ATP2B2: variants seen among roughly 807,000 people sequenced by gnomAD.
ATP2B2 encodes the protein ATPase plasma membrane Ca2+ transporting 2.
Under a neutral mutation model 120.0 loss-of-function variants are expected in ATP2B2, and 15 were observed. That is an observed-to-expected ratio of 0.12 (90% confidence interval 0.08 to 0.19). The LOEUF (loss-of-function observed/expected upper bound fraction) is 0.19, where lower values mean the gene tolerates loss of function less well. ATP2B2 is among the 10% of genes least tolerant of loss of function. ATP2B2 has a pLI of 1.00. For synonymous variants in ATP2B2, 694 were observed against 700.3 expected, an observed-to-expected ratio of 0.99 and a Z score of 0.14; for missense variants, 1,045 against 1,719.8, an observed-to-expected ratio of 0.61 and a Z score of 6.94.
chr3:10,623,900 C>T (rs536024286), intron 1 of ATP2B2, among the ~76,000 whole-genome samples: 1 of 152,318 alleles, frequency 6.6e-6, no homozygotes, highest in African/African-American at 2.4e-5. Flanking sequence ...GGTTCTAATT[C>T]CAACTCCACC....
chr3:10,685,412 T>C (rs2071494650), intron 1 of ATP2B2, among the ~76,000 whole-genome samples: 1 of 152,212 alleles, frequency 6.6e-6, no homozygotes, highest in Non-Finnish European at 1.5e-5. Flanking sequence ...CAAGTACTGC[T>C]GGGTGTTCCG....
intron 2 of ATP2B2, among the ~76,000 whole-genome samples, chr3:10,428,417 G>T (rs1385751959): frequency 6.6e-6 from 1 of 152,082 alleles, no homozygotes. Flanking sequence ...CTCCTGCCTT[G>T]TATTTCATCC....
intron 2 of ATP2B2, among the ~76,000 whole-genome samples, chr3:10,590,622 G>A (rs1452993297): frequency 1.3e-5 from 2 of 152,168 alleles, no homozygotes; most frequent in Non-Finnish European, 2.9e-5. Context: ...TTCACTCTGC[G>A]TCGTTCTTAG....
At chr3:10,624,765 A>T (rs1470794110) in intron 1 of ATP2B2, among the ~76,000 whole-genome samples, 1 of 152,236 alleles carries the variant, frequency 6.6e-6, no homozygotes, top group Non-Finnish European at 1.5e-5. Flanking sequence ...CCCATATAAG[A>T]GGTTGTAACT....
chr3:10,375,195 C>A lies in ATP2B2; in HGVS notation c.1416+235G>T, dbSNP rs547212839. ...CCCTGCAAGGCGGCGTGTGGCTGGG[C>A]TGAATAACAGCTGCCTCTTCAGCCA... On this transcript the variant is annotated intron_variant, in intron 11 of 22. Transcript: ENST00000360273. The surrounding 1 kb of genome is among the most constrained non-coding windows in gnomAD (Gnocchi z 4.2). Among the ~76,000 whole-genome samples, 116 of 152,330 alleles carry A rather than the reference C, an allele frequency of 7.6e-4. No homozygotes were observed. Among genetic ancestry groups the A allele is most frequent in the Admixed American group, 2.3e-3 (35 of 15,302 alleles).
At chr3:10,401,221 G>T in intron 4 of ATP2B2, 143 bp from the exon 5 acceptor site, 1 of 1,134,710 alleles carries the variant, frequency 8.8e-7, no homozygotes, top group Non-Finnish European at 1.3e-6. Context: ...AACCAAGATG[G>T]TGCCCATAGA....
chr3:10,400,358 C>T (rs963153284), intron 5 of ATP2B2, among the ~76,000 whole-genome samples: 6 of 152,250 alleles, frequency 3.9e-5, no homozygotes, highest in African/African-American at 1.2e-4. Context: ...TGGGCTTTTG[C>T]CCCTGCTGTT....
At chr3:10,606,962 GA>G (rs2069101296) in intron 2 of ATP2B2, among the ~76,000 whole-genome samples, 10 of 74,142 alleles carry the variant, frequency 1.3e-4, no homozygotes, top group South Asian at 6.3e-4. Flanking sequence ...GGGAGGGGGG[GA>G]GAGAGAGAGA....
At chr3:10,522,546 A>G (rs1008551832) in intron 3 of ATP2B2, among the ~76,000 whole-genome samples, 1 of 152,210 alleles carries the variant, frequency 6.6e-6, no homozygotes, top group African/African-American at 2.4e-5. Flanking sequence ...AGCTGGAGAA[A>G]GGAGATGTGT....
intron 2 of ATP2B2, among the ~76,000 whole-genome samples, chr3:10,587,523 G>A (rs2068539146): frequency 6.6e-6 from 1 of 152,070 alleles, no homozygotes; most frequent in Non-Finnish European, 1.5e-5. Flanking sequence ...GGGATTACAG[G>A]TGCATGCCAC....
At chr3:10,532,810 G>A (rs962950168) in intron 3 of ATP2B2, among the ~76,000 whole-genome samples, 2 of 152,224 alleles carry the variant, frequency 1.3e-5, no homozygotes, top group African/African-American at 2.4e-5. Flanking sequence ...CCTGAGTTGA[G>A]TCTGTGGTTA....
Position 10,449,530 on chromosome 3 carries a change from G to C in ATP2B2, c.14C>G (p.Thr5Ser). 2 of 1,614,250 alleles carry C rather than the reference G, an allele frequency of 1.2e-6. No homozygotes were observed. Among genetic ancestry groups the C allele is most frequent in the African/African-American group, 2.7e-5 (2 of 75,068 alleles). Residue 5 changes from threonine to serine, a missense_variant, in exon 2 of 23, where the codon ACC (threonine) becomes AGC (serine). Physicochemically the swap from Thr to Ser is moderately conservative, Grantham distance 58. Transcript: ENST00000360273. MGDM[T>S]NSDFYSKNQR... is the part of the protein sequence containing the mutation. ...GTTTTTGGAGTAAAAGTCGCTGTTG[G>C]TCATGTCACCCATGTTTGCTGCGGT...
chr3:10,493,479 C>T (rs2066012997), intron 1 of ATP2B2, among the ~76,000 whole-genome samples: 3 of 152,134 alleles, frequency 2.0e-5, no homozygotes, highest in Admixed American at 2.0e-4. Flanking sequence ...GAATGAGGGT[C>T]AGACCCAGAA....
chr3:10,392,082 G>A (rs1029745521), intron 5 of ATP2B2, among the ~76,000 whole-genome samples: 1 of 152,020 alleles, frequency 6.6e-6, no homozygotes, highest in African/African-American at 2.4e-5. Flanking sequence ...ATCACCTGAA[G>A]TCTCCTCTGG....
At chr3:10,504,172 C>T (rs555840351) in intron 1 of ATP2B2, among the ~76,000 whole-genome samples, 1 of 152,090 alleles carries the variant, frequency 6.6e-6, no homozygotes, top group Admixed American at 6.5e-5. Flanking sequence ...GGACCCCCAA[C>T]CCCCCACAGG....
At chr3:10,680,874 G>A (rs749044273) in intron 1 of ATP2B2, among the ~76,000 whole-genome samples, 13 of 152,160 alleles carry the variant, frequency 8.5e-5, no homozygotes, top group Non-Finnish European at 1.6e-4. Context: ...ATGTTGAAAT[G>A]GGATTCTCCA....
At chr3:10,586,280 G>T (rs79843682) in intron 2 of ATP2B2, among the ~76,000 whole-genome samples, 1 of 152,302 alleles carries the variant, frequency 6.6e-6, no homozygotes, top group East Asian at 1.9e-4. Context: ...AGAGAAGGAT[G>T]CTGGGAGCAG....
At chr3:10,435,911 GAAGCA>G (rs1452344869) in intron 2 of ATP2B2, among the ~76,000 whole-genome samples, 1 of 152,214 alleles carries the variant, frequency 6.6e-6, no homozygotes, top group Non-Finnish European at 1.5e-5. Context: ...ATCAAGAAGA[GAAGCA>G]AAGGCCTGTG....
intron 2 of ATP2B2, among the ~76,000 whole-genome samples, chr3:10,554,978 C>T (rs574836963): frequency 1.3e-5 from 2 of 152,230 alleles, no homozygotes; most frequent in African/African-American, 4.8e-5. Context: ...TGATCAGGAC[C>T]CCAGACCCCA....
Sources: allele counts gnomAD v4.1 joint callset (sites outside exome capture counted in the v4.1 genomes callset), GRCh38; gene constraint gnomAD v4.1.1; non-coding constraint Gnocchi (gnomAD v3.1); transcripts MANE v1.5; gene names NCBI Gene and HGNC (gene_info 2026-07-23, HGNC 2026-07-21).